Variants in ABTB3 observed in about 807,000 individuals in gnomAD.
The protein encoded by ABTB3 is ankyrin repeat- and BTB/POZ domain-containing protein 3.
the ABTB3 span, among the ~76,000 whole-genome samples, chr12:107,377,587 G>C: frequency 6.6e-6 from 1 of 152,146 alleles, no homozygotes; most frequent in Non-Finnish European, 1.5e-5. Flanking sequence ...CATGTGCTTG[G>C]AGGTGACTGT....
chr12:107,466,257 G>C, the ABTB3 span, among the ~76,000 whole-genome samples: 1 of 151,740 alleles, frequency 6.6e-6, no homozygotes, highest in Non-Finnish European at 1.5e-5. Context: ...GACAGCAGTT[G>C]GTTTTACCTA....
chr12:107,477,961 G>C, the ABTB3 span, among the ~76,000 whole-genome samples: 1 of 152,178 alleles, frequency 6.6e-6, no homozygotes, highest in African/African-American at 2.4e-5. Context: ...AACTATGTCT[G>C]ATACTGAGAC....
chr12:107,481,883 GTCTC>G, the ABTB3 span, among the ~76,000 whole-genome samples: 5,661 of 108,220 alleles, frequency 0.052, 146 homozygotes, highest in African/African-American at 0.065. Flanking sequence ...GAAATCAAGA[GTCTC>G]TCTCTCTCTC....
At chr12:107,401,093 C>G in the ABTB3 span, among the ~76,000 whole-genome samples, 1 of 152,178 alleles carries the variant, frequency 6.6e-6, no homozygotes, top group African/African-American at 2.4e-5. Flanking sequence ...TCATGGAAAC[C>G]TGGGGTTTGG....
At chr12:107,349,705 A>C in the ABTB3 span, among the ~76,000 whole-genome samples, 525 of 152,324 alleles carry the variant, frequency 3.4e-3, 11 homozygotes, top group Admixed American at 0.03. Flanking sequence ...ATAAATGAGG[A>C]ATTTTATTTT....
the ABTB3 span, among the ~76,000 whole-genome samples, chr12:107,647,406 GA>G: frequency 2.0e-5 from 3 of 152,290 alleles, no homozygotes; most frequent in African/African-American, 7.2e-5. Flanking sequence ...TTGGGAGGCT[GA>G]GGTGGGGGGA....
the ABTB3 span, among the ~76,000 whole-genome samples, chr12:107,608,979 A>C: frequency 8.6e-6 from 1 of 116,328 alleles, no homozygotes; most frequent in African/African-American, 3.7e-5. Flanking sequence ...ATAAAATAAA[A>C]TAAAATAAAA....
the ABTB3 span, among the ~76,000 whole-genome samples, chr12:107,435,636 G>C: frequency 6.6e-6 from 1 of 152,158 alleles, no homozygotes; most frequent in South Asian, 2.1e-4. Context: ...CGATATAAGA[G>C]GGTCATTATT....
chr12:107,324,125 C>A, the ABTB3 span, among the ~76,000 whole-genome samples: 1 of 152,160 alleles, frequency 6.6e-6, no homozygotes, highest in Non-Finnish European at 1.5e-5. Flanking sequence ...GGTGCTGACA[C>A]ATGGTAGGTG....
the ABTB3 span, among the ~76,000 whole-genome samples, chr12:107,339,325 A>G: frequency 6.6e-6 from 1 of 152,172 alleles, no homozygotes; most frequent in African/African-American, 2.4e-5. Flanking sequence ...CACCCAAAAG[A>G]GGCCATTCTG....
the ABTB3 span, among the ~76,000 whole-genome samples, chr12:107,636,237 T>C: frequency 6.6e-6 from 1 of 152,306 alleles, no homozygotes; most frequent in East Asian, 1.9e-4. Flanking sequence ...CAGAGGATCC[T>C]GGGGCTGTTG....
chr12:107,347,289 A>G, the ABTB3 span, among the ~76,000 whole-genome samples: 7 of 152,206 alleles, frequency 4.6e-5, no homozygotes. Context: ...ATATCTTTAT[A>G]TGAGATATAA....
the ABTB3 span, chr12:107,318,494 G>A: frequency 1.3e-5 from 2 of 157,462 alleles, no homozygotes; most frequent in Admixed American, 1.3e-4. Flanking sequence ...CCAGGGCCGG[G>A]AACTGGGAGC....
chr12:107,618,401 A>G, the ABTB3 span: 1 of 1,592,184 alleles, frequency 6.3e-7, no homozygotes, highest in African/African-American at 1.3e-5. Context: ...ACCCTCCACC[A>G]CGGGCACCAT....
the ABTB3 span, among the ~76,000 whole-genome samples, chr12:107,338,870 C>T: frequency 6.6e-6 from 1 of 152,170 alleles, no homozygotes; most frequent in Non-Finnish European, 1.5e-5. Context: ...GGCTGGAGTG[C>T]AGTGGCTATT....
At chr12:107,406,194 C>T in the ABTB3 span, among the ~76,000 whole-genome samples, 4 of 152,166 alleles carry the variant, frequency 2.6e-5, no homozygotes, top group African/African-American at 9.7e-5. Flanking sequence ...GCTTCACATA[C>T]GAAGTGCTTA....
At chr12:107,352,357 C>A in the ABTB3 span, among the ~76,000 whole-genome samples, 3 of 152,108 alleles carry the variant, frequency 2.0e-5, no homozygotes, top group Admixed American at 6.6e-5. Flanking sequence ...TGCCAACTGT[C>A]TGGATGGAGG....
the ABTB3 span, among the ~76,000 whole-genome samples, chr12:107,616,483 G>A: frequency 6.6e-6 from 1 of 152,242 alleles, no homozygotes; most frequent in Non-Finnish European, 1.5e-5. Flanking sequence ...CTCAGGGGAT[G>A]CACAGAATGA....
At chr12:107,490,286 TATC>T in the ABTB3 span, among the ~76,000 whole-genome samples, 2 of 152,158 alleles carry the variant, frequency 1.3e-5, no homozygotes, top group Non-Finnish European at 2.9e-5. Context: ...GCAGGGCACA[TATC>T]ATGGGCAAGG....
Sources: gnomAD v4.1 joint callset for allele counts (sites outside exome capture counted in the v4.1 genomes callset) on GRCh38, gnomAD v4.1.1 for gene constraint, MANE v1.5 for transcripts, NCBI Gene and HGNC (gene_info 2026-07-23, HGNC 2026-07-21) for gene names.